The following EBF2 variants were observed in gnomAD, a reference collection of about 807,000 sequenced individuals.
The protein encoded by EBF2 is transcription factor COE2.
In EBF2, 21 loss-of-function variants were observed where a neutral mutation model predicts 72.8. The observed-to-expected ratio is 0.29, with a 90% CI of 0.20 to 0.42. The LOEUF (loss-of-function observed/expected upper bound fraction) is 0.42. Among genes scored for constraint, EBF2 ranks in the 10% least tolerant of loss-of-function variants. The probability of loss-of-function intolerance (pLI) is 1.00; values close to 1 mark genes in which losing one functional copy is unlikely to be tolerated. For missense variants in EBF2, 637 were observed against 731.2 expected (o/e 0.87, Z 1.49); for synonymous variants, 299 against 274.2 (o/e 1.09, Z -0.89).
At chr8:25,894,500 GAATC>G (rs1802835276) in intron 7 of EBF2, among the ~76,000 whole-genome samples, 1 of 152,016 alleles carries the variant, frequency 6.6e-6, no homozygotes, top group Non-Finnish European at 1.5e-5. Context: ...TTCCCATCTG[GAATC>G]AATCAGTCAA....
At chr8:25,859,721 C>CTTT (rs202200790) in intron 13 of EBF2, among the ~76,000 whole-genome samples, 2 of 142,934 alleles carry the variant, frequency 1.4e-5, no homozygotes, top group Admixed American at 7.1e-5. Flanking sequence ...CCTGTCTAGT[C>CTTT]TTTTTTTTTT....
intron 6 of EBF2, among the ~76,000 whole-genome samples, chr8:25,966,285 G>A (rs937392474): frequency 1.3e-5 from 2 of 152,160 alleles, no homozygotes; most frequent in African/African-American, 4.8e-5. Context: ...AGGTGTATTT[G>A]GCATAAGTCG....
intron 10 of EBF2, among the ~76,000 whole-genome samples, chr8:25,866,118 A>G (rs982933521): frequency 6.6e-6 from 1 of 151,606 alleles, no homozygotes; most frequent in African/African-American, 2.4e-5. Context: ...TTAGGCCTGT[A>G]CATTCATATC....
intron 6 of EBF2, among the ~76,000 whole-genome samples, chr8:25,988,640 C>A (rs1171243688): frequency 6.6e-6 from 1 of 152,134 alleles, no homozygotes; most frequent in Non-Finnish European, 1.5e-5. Context: ...TGATCTAATC[C>A]AGCCAGGAAT....
chr8:25,888,660 A>G (rs1802730741), intron 8 of EBF2, among the ~76,000 whole-genome samples: 1 of 152,156 alleles, frequency 6.6e-6, no homozygotes, highest in Admixed American at 6.5e-5. Flanking sequence ...TCACTCTACT[A>G]ACTTTGTAGG....
intron 6 of EBF2, among the ~76,000 whole-genome samples, chr8:26,010,560 C>G (rs911723417): frequency 6.6e-6 from 1 of 152,202 alleles, no homozygotes; most frequent in Non-Finnish European, 1.5e-5. Flanking sequence ...AAATACCCAG[C>G]GACGCGCAGC....
In EBF2 at chr8:25,844,514, G is replaced by A; in HGVS notation, c.*95C>T. The A allele has an allele frequency of 2.1e-6, 3 of 1,417,382 alleles. No individual in the cohort carries two copies. The highest frequency in any genetic ancestry group is 4.6e-5 in the East Asian group (2 of 43,806). The allele number at this position is 1,417,382 out of a possible 1,614,324, so 87.8% of individuals were successfully genotyped here. On this transcript the variant is annotated 3_prime_UTR_variant, in exon 16 of 16. Coordinates refer to ENST00000520164, the MANE Select transcript of EBF2 (RefSeq NM_022659.4). ...AAGGGTGTCCATCATGTTCATGTGGGGGCACCACTACACCCCCAAAAGAGC... is the reference window on the plus strand; with the variant it reads ...AAGGGTGTCCATCATGTTCATGTGGAGGCACCACTACACCCCCAAAAGAGC...
At chr8:26,037,832 C>T (rs766245087) in intron 5 of EBF2, among the ~76,000 whole-genome samples, 30 of 152,048 alleles carry the variant, frequency 2.0e-4, no homozygotes, top group Non-Finnish European at 4.0e-4. Flanking sequence ...AAAAGTTATT[C>T]CTAAAGAGAT....
At chr8:26,033,427 A>G (rs1163051962) in intron 5 of EBF2, among the ~76,000 whole-genome samples, 2 of 152,164 alleles carry the variant, frequency 1.3e-5, no homozygotes, top group East Asian at 3.9e-4. Flanking sequence ...ATGGGTTGTT[A>G]CCATGTTGGC....
chr8:26,032,775 A>G (rs2117257445), intron 6 of EBF2: 1 of 252,410 alleles, frequency 4.0e-6, no homozygotes, highest in South Asian at 1.2e-4. Context: ...TAGAAAACTG[A>G]TTGAGACCAT....
At chr8:25,878,207 C>T (rs1188158833) in intron 10 of EBF2, among the ~76,000 whole-genome samples, 1 of 152,174 alleles carries the variant, frequency 6.6e-6, no homozygotes, top group Admixed American at 6.5e-5. Flanking sequence ...TCAAGTTTTG[C>T]CTTTTCCTCC....
At chr8:25,875,131 C>T in intron 10 of EBF2, among the ~76,000 whole-genome samples, 1 of 152,274 alleles carries the variant, frequency 6.6e-6, no homozygotes, top group African/African-American at 2.4e-5. Context: ...TGTGGTAGGT[C>T]TTTCAAGATG....
intron 15 of EBF2, among the ~76,000 whole-genome samples, chr8:25,846,243 T>A (rs1041939735): frequency 6.2e-4 from 94 of 152,284 alleles, no homozygotes; most frequent in African/African-American, 1.2e-3. Flanking sequence ...ATTTTATTTT[T>A]TTTTTCCTGG....
chr8:25,884,691 T>G (rs1190792481), intron 10 of EBF2, among the ~76,000 whole-genome samples: 3 of 152,186 alleles, frequency 2.0e-5, no homozygotes, highest in Admixed American at 1.3e-4. Flanking sequence ...TTTGAATGAA[T>G]GAATGAACTA....
chr8:25,858,010 A>C (rs1802128591), intron 14 of EBF2: 1 of 502,600 alleles, frequency 2.0e-6, no homozygotes, highest in East Asian at 5.0e-5. Context: ...GCCTAAGAGC[A>C]CACATATTGT....
chr8:25,873,196 C>A (rs902169031), intron 10 of EBF2, among the ~76,000 whole-genome samples: 1 of 152,206 alleles, frequency 6.6e-6, no homozygotes, highest in African/African-American at 2.4e-5. Flanking sequence ...AGCTTGGGAG[C>A]TGCCTTAGTT....
intron 6 of EBF2, among the ~76,000 whole-genome samples, chr8:26,019,668 C>G (rs1193748276): frequency 2.0e-5 from 3 of 152,130 alleles, no homozygotes; most frequent in African/African-American, 7.2e-5. Flanking sequence ...TCAGCCTGGT[C>G]AACTGATGGT....
chr8:25,969,895 G>A (rs1478826273), intron 6 of EBF2, among the ~76,000 whole-genome samples: 1 of 152,206 alleles, frequency 6.6e-6, no homozygotes, highest in East Asian at 1.9e-4. Context: ...TGGGGTTGTG[G>A]TGAAAAGTCA....
chr8:25,943,687 C>T (rs200054214), intron 6 of EBF2, among the ~76,000 whole-genome samples: 3 of 152,084 alleles, frequency 2.0e-5, no homozygotes, highest in African/African-American at 7.2e-5. Flanking sequence ...TAAAACTCCT[C>T]GTCCCTTAAA....
Sources: gnomAD v4.1 joint callset for allele counts (sites outside exome capture counted in the v4.1 genomes callset) on GRCh38, gnomAD v4.1.1 for gene constraint, MANE v1.5 for transcripts, NCBI Gene and HGNC (gene_info 2026-07-23, HGNC 2026-07-21) for gene names.